GRIN2A: variants seen among roughly 807,000 people sequenced by gnomAD.
GRIN2A encodes glutamate receptor ionotropic, NMDA 2A.
A neutral mutation model predicts 113.4 loss-of-function variants in GRIN2A; 22 were observed. The observed-to-expected ratio is 0.19, with a 90% CI of 0.14 to 0.28. The LOEUF is 0.28. Among genes scored for constraint, GRIN2A ranks in the 10% least tolerant of loss-of-function variants. The pLI, the probability that GRIN2A is intolerant of heterozygous loss-of-function variation, is 1.00. For synonymous variants in GRIN2A, 827 were observed against 738.4 expected (o/e 1.12, Z -1.94); for missense variants, 1,502 against 1,887.0 (o/e 0.80, Z 3.78).
intron 2 of GRIN2A, among the ~76,000 whole-genome samples, chr16:10,052,561 A>G (rs942262868): frequency 1.3e-5 from 2 of 152,188 alleles, no homozygotes; most frequent in Non-Finnish European, 2.9e-5. Context: ...GGGCTAAGAT[A>G]TTCCGCCTTC....
At position 9,829,658 on chromosome 16, in the gene GRIN2A, G is replaced by T; in HGVS notation, c.1778-6C>A. On this transcript the variant is annotated splice_polypyrimidine_tract_variant and splice_region_variant and intron_variant, in intron 8 of 12. Coordinates refer to ENST00000330684, the MANE Select transcript of GRIN2A (RefSeq NM_001134407.3). The stretch of plus-strand genomic sequence containing the variant: ...AAAAGAAGGCCCATGGGGTGCTGCA[G>T]AAGATGAAAAGGACATTCTCAGCAT... 2 of 1,599,334 alleles carry T rather than the reference G, an allele frequency of 1.3e-6. No individual in the cohort carries two copies. The highest frequency in any genetic ancestry group is 1.7e-6 in the Non-Finnish European group (2 of 1,166,644).
chr16:9,781,055 G>C (rs369060304), intron 11 of GRIN2A, among the ~76,000 whole-genome samples: 1 of 149,316 alleles, frequency 6.7e-6, no homozygotes, highest in Non-Finnish European at 1.5e-5. Flanking sequence ...CAGGCCATAC[G>C]GTCTCTATCA....
chr16:10,104,568 A>C (rs867157318), intron 2 of GRIN2A, among the ~76,000 whole-genome samples: 70 of 152,312 alleles, frequency 4.6e-4, no homozygotes, highest in African/African-American at 1.6e-3. Flanking sequence ...TTGCACGAGC[A>C]CAATTTTACG....
At position 9,921,540 on chromosome 16, in the gene GRIN2A, ACTT is replaced by A. The variant is rs556593247; in HGVS notation, c.1007+16416_1007+16418del. ...ATGTGAAAATAGAAATAACACTACT[ACTT>A]ATTTCACAGAGATGTTGTGACAATA... is the stretch of plus-strand genomic sequence containing the variant. On this transcript the variant is annotated intron_variant, in intron 3 of 12. Transcript: ENST00000330684. Among the ~76,000 whole-genome samples, 583 of 152,298 alleles carry A rather than the reference ACTT, an allele frequency of 3.8e-3. 5 individuals carry two copies. Among genetic ancestry groups the A allele is most frequent in the African/African-American group, 0.013 (521 of 41,558 alleles).
At chr16:10,160,593 G>T (rs2049790603) in intron 2 of GRIN2A, among the ~76,000 whole-genome samples, 1 of 152,214 alleles carries the variant, frequency 6.6e-6, no homozygotes, top group Admixed American at 6.5e-5. Context: ...TCATACAACT[G>T]CTTGGAGGGC....
chr16:9,922,665 G>A (rs1382733984), intron 3 of GRIN2A, among the ~76,000 whole-genome samples: 1 of 152,222 alleles, frequency 6.6e-6, no homozygotes, highest in African/African-American at 2.4e-5. Flanking sequence ...GCATGCCTGA[G>A]TGAAGAACAG....
At chr16:9,931,963 G>A (rs1333573747) in intron 3 of GRIN2A, among the ~76,000 whole-genome samples, 1 of 152,162 alleles carries the variant, frequency 6.6e-6, no homozygotes, top group Non-Finnish European at 1.5e-5. Context: ...GCCCCAAATA[G>A]GCATTAGTGG....
intron 3 of GRIN2A, among the ~76,000 whole-genome samples, chr16:9,901,212 A>G (rs1208617177): frequency 2.0e-5 from 3 of 152,218 alleles, no homozygotes; most frequent in Non-Finnish European, 2.9e-5. Context: ...TGGAATGAAC[A>G]AAAGTCTCAA....
chr16:10,038,823 G>A (rs1390475566), intron 2 of GRIN2A, among the ~76,000 whole-genome samples: 1 of 150,862 alleles, frequency 6.6e-6, no homozygotes, highest in African/African-American at 2.4e-5. Context: ...ACTCCAGCCT[G>A]GGCGACAGAA....
At chr16:9,901,555 G>T (rs951390104) in intron 3 of GRIN2A, among the ~76,000 whole-genome samples, 2 of 152,146 alleles carry the variant, frequency 1.3e-5, no homozygotes, top group Non-Finnish European at 2.9e-5. Flanking sequence ...CACATCCCGG[G>T]TTCAAGTGAT....
intron 3 of GRIN2A, among the ~76,000 whole-genome samples, chr16:9,914,188 G>A (rs1265730050): frequency 6.6e-6 from 1 of 151,570 alleles, no homozygotes; most frequent in Non-Finnish European, 1.5e-5. Context: ...AAAATGCCAA[G>A]TCATCATTTA....
At chr16:9,788,540 G>A (rs1171258982) in intron 11 of GRIN2A, among the ~76,000 whole-genome samples, 1 of 151,968 alleles carries the variant, frequency 6.6e-6, no homozygotes, top group East Asian at 1.9e-4. Context: ...TTACAGGCAT[G>A]AGCCATCATG....
chr16:10,150,824 T>C (rs2049553056), intron 2 of GRIN2A, among the ~76,000 whole-genome samples: 1 of 152,222 alleles, frequency 6.6e-6, no homozygotes, highest in Non-Finnish European at 1.5e-5. Flanking sequence ...AATTAACTTA[T>C]ATGCTTCTTC....
chr16:9,910,563 G>A (rs1164966797), intron 3 of GRIN2A, among the ~76,000 whole-genome samples: 20 of 130,010 alleles, frequency 1.5e-4, no homozygotes, highest in African/African-American at 4.7e-4. Flanking sequence ...TTTTTGAGAC[G>A]GAGTCTTGCC....
intron 10 of GRIN2A, among the ~76,000 whole-genome samples, chr16:9,806,988 TGATTG>T (rs1472429501): frequency 4.0e-5 from 6 of 151,424 alleles, no homozygotes; most frequent in Admixed American, 1.3e-4. Flanking sequence ...TCATGAGATA[TGATTG>T]TTTTAGAAGA....
chr16:10,031,678 G>C (rs957768124), intron 2 of GRIN2A: 3 of 152,244 alleles, frequency 2.0e-5, no homozygotes, highest in Admixed American at 2.0e-4. Context: ...GCCACCAGAG[G>C]ATGCTTCTGG....
chr16:9,885,159 A>C (rs2043563993), intron 4 of GRIN2A, among the ~76,000 whole-genome samples: 1 of 152,102 alleles, frequency 6.6e-6, no homozygotes, highest in Admixed American at 6.5e-5. Flanking sequence ...ATAGTTTCCT[A>C]CACATCCTTG....
At chr16:9,863,857 G>C (rs187000415) in intron 4 of GRIN2A, among the ~76,000 whole-genome samples, 8 of 152,264 alleles carry the variant, frequency 5.3e-5, no homozygotes, top group Admixed American at 4.6e-4. Flanking sequence ...CATAAACTTG[G>C]TTGAACTTAA....
At chr16:10,026,453 A>G (rs2046823785) in intron 2 of GRIN2A, among the ~76,000 whole-genome samples, 1 of 147,134 alleles carries the variant, frequency 6.8e-6, no homozygotes, top group African/African-American at 2.6e-5. Context: ...AGTCTATGCA[A>G]AGTACCCAGC....
Sources: gnomAD v4.1 joint callset for allele counts (sites outside exome capture counted in the v4.1 genomes callset) on GRCh38, gnomAD v4.1.1 for gene constraint, MANE v1.5 for transcripts, NCBI Gene and HGNC (gene_info 2026-07-23, HGNC 2026-07-21) for gene names.